Variants in MTRF1 observed in about 807,000 individuals in gnomAD.
MTRF1 encodes the protein mitochondrial translation release factor 1.
A neutral mutation model predicts 62.9 loss-of-function variants in MTRF1; 51 were observed. That is an observed-to-expected ratio of 0.81 (90% CI 0.65 to 1.02). The LOEUF is 1.02. Among genes scored for constraint, MTRF1 ranks in the 50% least tolerant of loss-of-function variants. MTRF1 has a pLI of 0.00. For missense variants in MTRF1, 446 were observed against 530.0 expected, an observed-to-expected ratio of 0.84 and a Z score of 1.56; for synonymous variants, 158 against 181.9, an observed-to-expected ratio of 0.87 and a Z score of 1.06.
At chr13:41,286,678 T>C in the MTRF1 span, among the ~76,000 whole-genome samples, 1 of 152,324 alleles carries the variant, frequency 6.6e-6, no homozygotes, top group East Asian at 1.9e-4. Flanking sequence ...CACACTCCAC[T>C]CCAGTACACC....
the MTRF1 span, among the ~76,000 whole-genome samples, chr13:41,282,116 C>T: frequency 4.1e-5 from 6 of 146,278 alleles, no homozygotes; most frequent in African/African-American, 7.6e-5. Context: ...CCAGCCTGGG[C>T]GACAGAGCAA....
chr13:41,266,025 T>C (rs181332125), upstream of MTRF1, among the ~76,000 whole-genome samples: 114 of 152,232 alleles, frequency 7.5e-4, 1 homozygote, highest in African/African-American at 2.6e-3. Flanking sequence ...AATTTTTGTA[T>C]TTTTAGTAGA....
At chr13:41,270,308 G>C in the MTRF1 span, among the ~76,000 whole-genome samples, 1 of 152,032 alleles carries the variant, frequency 6.6e-6, no homozygotes, top group Non-Finnish European at 1.5e-5. Context: ...ATGTAAACTT[G>C]AAAAAGCATT....
At chr13:41,253,073 C>A (rs1366974628) in intron 3 of MTRF1, 43 bp from the exon 4 acceptor site, 2 of 1,413,656 alleles carry the variant, frequency 1.4e-6, no homozygotes, top group Non-Finnish European at 2.0e-6. Context: ...TTCCCCGGTA[C>A]ACTATTACTG....
chr13:41,248,325 T>C (rs944810337), intron 5 of MTRF1, among the ~76,000 whole-genome samples: 1 of 152,244 alleles, frequency 6.6e-6, no homozygotes, highest in Non-Finnish European at 1.5e-5. Flanking sequence ...TTTTGCCATG[T>C]TGGCCAAGAT....
intron 6 of MTRF1, among the ~76,000 whole-genome samples, chr13:41,237,462 C>T (rs7983176): frequency 0.72 from 109,059 of 151,842 alleles, 39,478 homozygotes; most frequent in African/African-American, 0.74. Context: ...AGAAAAAAAT[C>T]ATTTCAGATG....
intron 7 of MTRF1, among the ~76,000 whole-genome samples, chr13:41,231,208 G>A (rs896877403): frequency 4.6e-5 from 7 of 152,310 alleles, no homozygotes; most frequent in Admixed American, 3.3e-4. Flanking sequence ...ATTCCCTGTA[G>A]AGGGAGATGC....
intron 5 of MTRF1, among the ~76,000 whole-genome samples, chr13:41,245,858 C>T (rs1311482532): frequency 6.6e-6 from 1 of 152,136 alleles, no homozygotes; most frequent in Non-Finnish European, 1.5e-5. Flanking sequence ...TTCTCCCTGG[C>T]TTTGGATTAG....
chr13:41,253,936 G>A (rs1225281362), intron 3 of MTRF1, among the ~76,000 whole-genome samples: 1 of 152,196 alleles, frequency 6.6e-6, no homozygotes, highest in Non-Finnish European at 1.5e-5. Context: ...ATACAGTAGT[G>A]TGTTCTTCAT....
chr13:41,294,501 G>A, the MTRF1 span, among the ~76,000 whole-genome samples: 1 of 152,022 alleles, frequency 6.6e-6, no homozygotes, highest in Non-Finnish European at 1.5e-5. Context: ...TATTTTGGAG[G>A]TTAATTAAAC....
intron 5 of MTRF1, among the ~76,000 whole-genome samples, chr13:41,242,407 G>A (rs2138980655): frequency 6.6e-6 from 1 of 152,122 alleles, no homozygotes; most frequent in South Asian, 2.1e-4. Context: ...TTTTACCCTA[G>A]ACCTGGAATC....
At position 41,242,753 on chromosome 13, in the gene MTRF1, T is replaced by C. The variant is rs184460146; in HGVS notation, c.698-2320A>G. ...ACAGCCTTGGAAGACAGAGATAGTG[T>C]CTCTTTCTAGAGCAATGTGCAGCAT... On this transcript the variant is annotated intron_variant, in intron 5 of 9. Transcript: ENST00000379480. 2.6e-5 allele frequency among the ~76,000 whole-genome samples: 4 copies of C among 152,176 alleles called. No individual in the cohort carries two copies. In the East Asian group the frequency reaches 7.7e-4, roughly 29 times the overall value.
intron 2 of MTRF1, among the ~76,000 whole-genome samples, chr13:41,255,021 G>A (rs1303333972): frequency 6.6e-6 from 1 of 152,090 alleles, no homozygotes; most frequent in African/African-American, 2.4e-5. Context: ...AAAGCTACTA[G>A]CTAATTAAAT....
the MTRF1 span, among the ~76,000 whole-genome samples, chr13:41,301,098 T>A: frequency 6.6e-6 from 1 of 152,150 alleles, no homozygotes. Context: ...AAGTGTTCAA[T>A]AACAGTTATG....
At chr13:41,247,705 TGG>T (rs1160886911) in intron 5 of MTRF1, among the ~76,000 whole-genome samples, 1 of 152,200 alleles carries the variant, frequency 6.6e-6, no homozygotes, top group Non-Finnish European at 1.5e-5. Context: ...GGCTTCCGCT[TGG>T]TCTTTCCCAC....
At chr13:41,275,261 C>T in the MTRF1 span, among the ~76,000 whole-genome samples, 4 of 151,442 alleles carry the variant, frequency 2.6e-5, no homozygotes, top group African/African-American at 7.3e-5. Flanking sequence ...AGTGCTGTGG[C>T]GCGATCTCAG....
At chr13:41,250,478 A>G (rs2038926046) in intron 5 of MTRF1, among the ~76,000 whole-genome samples, 1 of 151,788 alleles carries the variant, frequency 6.6e-6, no homozygotes, top group South Asian at 2.1e-4. Context: ...TGGTTACTCA[A>G]TTTCAATATT....
At chr13:41,229,975 C>T (rs991990484) in intron 7 of MTRF1, among the ~76,000 whole-genome samples, 2 of 151,988 alleles carry the variant, frequency 1.3e-5, no homozygotes, top group Non-Finnish European at 2.9e-5. Flanking sequence ...GTGGTGCACA[C>T]CCATAGTCCC....
At chr13:41,266,757 C>G (rs2040843652), upstream of MTRF1, among the ~76,000 whole-genome samples, 1 of 152,064 alleles carries the variant, frequency 6.6e-6, no homozygotes, top group Admixed American at 6.5e-5. Flanking sequence ...ACTTTGGGAG[C>G]CGAGGTGGGT....
Sources: allele counts gnomAD v4.1 joint callset (sites outside exome capture counted in the v4.1 genomes callset), GRCh38; gene constraint gnomAD v4.1.1; transcripts MANE v1.5; gene names NCBI Gene and HGNC (gene_info 2026-07-23, HGNC 2026-07-21).